SNX16: variants seen among roughly 807,000 people sequenced by gnomAD.
The protein encoded by SNX16 is sorting nexin 16.
In SNX16, 35 loss-of-function variants were observed where a neutral mutation model predicts 36.7. That is an observed-to-expected ratio of 0.95 (90% CI 0.73 to 1.27). The LOEUF is 1.27. Ranked by LOEUF, SNX16 falls within the 50% of genes most tolerant of loss-of-function variation. The pLI, the probability that SNX16 is intolerant of heterozygous loss-of-function variation, is 0.00. For synonymous variants in SNX16, 134 were observed against 132.0 expected (o/e 1.02, Z -0.10); for missense variants, 367 against 393.6 (o/e 0.93, Z 0.57).
intron 4 of SNX16, among the ~76,000 whole-genome samples, chr8:81,816,973 G>A (rs918304020): frequency 6.6e-6 from 1 of 152,280 alleles, no homozygotes; most frequent in East Asian, 1.9e-4. Flanking sequence ...TGATAGCACA[G>A]AATAGAACAA....
At chr8:81,812,614 C>A (rs1162472024) in intron 5 of SNX16, among the ~76,000 whole-genome samples, 1 of 152,006 alleles carries the variant, frequency 6.6e-6, no homozygotes, top group Non-Finnish European at 1.5e-5. Flanking sequence ...TTGTTGCTAG[C>A]AGACCCGTCT....
At chr8:81,808,538 TGGTGGAA>T (rs1810077281) in intron 5 of SNX16, 1 of 981,324 alleles carries the variant, frequency 1.0e-6, no homozygotes, top group African/African-American at 1.6e-5. Context: ...ACTTTGGAGG[TGGTGGAA>T]GCTACAATGA....
At chr8:81,811,932 A>C (rs561627280) in intron 5 of SNX16, among the ~76,000 whole-genome samples, 48 of 152,268 alleles carry the variant, frequency 3.2e-4, no homozygotes, top group African/African-American at 8.2e-4. Context: ...TGATAAGGAT[A>C]ATGATAATGA....
chr8:81,822,891 C>G (rs568362606), intron 4 of SNX16, among the ~76,000 whole-genome samples: 14 of 147,368 alleles, frequency 9.5e-5, no homozygotes, highest in African/African-American at 3.5e-4. Context: ...GAGAAGCCAT[C>G]AGGCTTATGT....
chr8:81,802,209 T>C (rs973169001), intron 7 of SNX16, among the ~76,000 whole-genome samples, 171 bp downstream of exon 7: 1 of 151,778 alleles, frequency 6.6e-6, no homozygotes, highest in African/African-American at 2.4e-5. Flanking sequence ...AGTGTTTTTA[T>C]TTTTAAATAT....
intron 7 of SNX16, 139 bp from the exon 8 acceptor site, chr8:81,801,732 G>A (rs1159311577): frequency 2.1e-6 from 1 of 476,532 alleles, no homozygotes; most frequent in East Asian, 3.4e-5. Context: ...TAATGTAAGA[G>A]TATTTAAACA....
chr8:81,804,100 T>C (rs1809830680), intron 5 of SNX16, among the ~76,000 whole-genome samples: 1 of 151,716 alleles, frequency 6.6e-6, no homozygotes, highest in African/African-American at 2.4e-5. Context: ...CATAAAACAG[T>C]CTATGTCAAA....
At chr8:81,811,867 T>C (rs575884370) in intron 5 of SNX16, among the ~76,000 whole-genome samples, 44 of 152,234 alleles carry the variant, frequency 2.9e-4, no homozygotes, top group African/African-American at 1.1e-3. Context: ...TATCAGGCAG[T>C]GATTTTTAAT....
At chr8:81,833,800 G>GTGCT (rs1811373772) in intron 2 of SNX16, among the ~76,000 whole-genome samples, 1 of 152,146 alleles carries the variant, frequency 6.6e-6, no homozygotes, top group South Asian at 2.1e-4. Flanking sequence ...TGTTTAAGTA[G>GTGCT]TGCTTTCAAT....
intron 4 of SNX16, among the ~76,000 whole-genome samples, chr8:81,819,414 G>A (rs933611096): frequency 7.9e-5 from 12 of 151,992 alleles, no homozygotes; most frequent in Admixed American, 6.6e-5. Flanking sequence ...TCTGCATTTC[G>A]ATTATGATAT....
intron 5 of SNX16, chr8:81,807,629 C>T (rs2130609292): frequency 2.8e-6 from 1 of 355,288 alleles, no homozygotes; most frequent in Non-Finnish European, 5.3e-6. Context: ...TAGGGATGAA[C>T]TTTTAAATAA....
Position 81,815,361 on chromosome 8 carries a change from A to G in SNX16, c.645T>C (p.Asp215=), listed in dbSNP as rs1810433403. The G allele has an allele frequency of 6.2e-7, 1 of 1,612,898 alleles. No homozygotes were observed. Among genetic ancestry groups the G allele is most frequent in the South Asian group, 1.1e-5 (1 of 91,020 alleles). ...CTAGGCTATCAAATGGACCCGGTGG[A>G]TCATCCAAACAAAGAAATTCTCTCA... The part of the protein sequence containing the change: ...LAVREFLCLD[D]PPGPFDSLEE... The change falls in exon 5 of 8, where the codon GAT becomes GAC. Residue 215 remains aspartate (D), a synonymous_variant. Coordinates refer to ENST00000345957, the MANE Select transcript of SNX16 (RefSeq NM_152836.3).
chr8:81,825,322 C>A (rs1325998307), intron 3 of SNX16, among the ~76,000 whole-genome samples: 3 of 152,186 alleles, frequency 2.0e-5, no homozygotes, highest in Non-Finnish European at 4.4e-5. Context: ...TTAATGACAT[C>A]ATTCACAATG....
chr8:81,831,165 G>A (rs1811249909), intron 2 of SNX16, among the ~76,000 whole-genome samples: 1 of 152,174 alleles, frequency 6.6e-6, no homozygotes, highest in South Asian at 2.1e-4. Context: ...AAGAGTCCCA[G>A]AAGAAAACCT....
At chr8:81,808,793 A>T (rs1190756503) in intron 5 of SNX16, 40 of 833,120 alleles carry the variant, frequency 4.8e-5, no homozygotes, top group Admixed American at 1.5e-4. Context: ...AGCTACAGGT[A>T]ACAACAGATT....
chr8:81,808,826 G>GGT (rs1375946580), intron 5 of SNX16: 1 of 713,666 alleles, frequency 1.4e-6, no homozygotes, highest in Non-Finnish European at 2.5e-6. Flanking sequence ...CAAGCACAGT[G>GGT]GTGGCAGGGC....
intron 5 of SNX16, among the ~76,000 whole-genome samples, chr8:81,810,040 T>C (rs1486343603): frequency 6.6e-6 from 1 of 152,182 alleles, no homozygotes; most frequent in African/African-American, 2.4e-5. Context: ...AACAGCTTCA[T>C]TACATATTAC....
chr8:81,824,892 G>A (rs1810943042), intron 3 of SNX16, among the ~76,000 whole-genome samples: 1 of 152,130 alleles, frequency 6.6e-6, no homozygotes, highest in African/African-American at 2.4e-5. Context: ...CTTGAAGGCT[G>A]GGTGCTGGAA....
At position 81,801,467 on chromosome 8, in the gene SNX16, G is replaced by T; in HGVS notation, c.*30C>A. On this transcript the variant is annotated 3_prime_UTR_variant, in exon 8 of 8. Transcript: ENST00000345957. ...TGCCACTCTTCTAAATTTTTGAATA[G>T]TCTAAATGGAGGGAACTGCTTGTGA... 7.3e-7 allele frequency: 1 copy of T among 1,360,706 alleles called. No homozygotes were observed. Among genetic ancestry groups the T allele is most frequent in the Non-Finnish European group, 1.0e-6 (1 of 977,824 alleles). The allele number at this position is 1,360,706 out of a possible 1,614,324, so 84.3% of individuals were successfully genotyped here.
Sources: gnomAD v4.1 joint callset for allele counts (sites outside exome capture counted in the v4.1 genomes callset) on GRCh38, gnomAD v4.1.1 for gene constraint, MANE v1.5 for transcripts, NCBI Gene and HGNC (gene_info 2026-07-23, HGNC 2026-07-21) for gene names.